TGM6: variants seen among roughly 807,000 people sequenced by gnomAD.
TGM6 encodes the protein protein-glutamine gamma-glutamyltransferase 6.
In TGM6, 74 loss-of-function variants were observed where a neutral mutation model predicts 77.5. That is an observed-to-expected ratio of 0.96 (90% CI 0.79 to 1.16). The LOEUF (loss-of-function observed/expected upper bound fraction) is 1.16, where lower values mean the gene tolerates loss of function less well. TGM6 is among the 50% of genes most tolerant of loss of function. TGM6 has a pLI of 0.00. For synonymous variants in TGM6, 383 were observed against 378.9 expected, an observed-to-expected ratio of 1.01 and a Z score of -0.12; for missense variants, 968 against 940.2, an observed-to-expected ratio of 1.03 and a Z score of -0.39.
intron 1 of TGM6, among the ~76,000 whole-genome samples, chr20:2,383,015 T>A (rs1054849524): frequency 6.6e-6 from 1 of 152,176 alleles, no homozygotes; most frequent in African/African-American, 2.4e-5. Context: ...GACATTGGGT[T>A]GGAGTTGATG....
intron 1 of TGM6, among the ~76,000 whole-genome samples, chr20:2,386,516 TGCAAGAAGAAAGAGCTTGGCTCA>T (rs766510681): frequency 3.9e-5 from 6 of 152,044 alleles, no homozygotes; most frequent in Non-Finnish European, 8.8e-5. Context: ...GGGGAGAAGC[TGCAAGAAGAAAGAGCTTGGCTCA>T]GCAGAAGGAA....
chr20:2,415,329 G>A (rs542266913), intron 9 of TGM6, among the ~76,000 whole-genome samples: 3 of 152,140 alleles, frequency 2.0e-5, no homozygotes, highest in Admixed American at 2.0e-4. Flanking sequence ...CATGCCACAG[G>A]TTTCAAATAG....
At chr20:2,412,335 C>G (rs772371191) in intron 9 of TGM6, among the ~76,000 whole-genome samples, 10 of 152,046 alleles carry the variant, frequency 6.6e-5, no homozygotes, top group Non-Finnish European at 1.2e-4. Flanking sequence ...GGGCTAAGAT[C>G]TGGGGAGAAT....
intron 10 of TGM6, among the ~76,000 whole-genome samples, chr20:2,426,338 G>T (rs558683767): frequency 3.3e-5 from 5 of 152,190 alleles, no homozygotes; most frequent in African/African-American, 1.2e-4. Flanking sequence ...ATTGACTTCT[G>T]TATATTAGTA....
At chr20:2,400,726 C>CTGGGGTGGGGTGGGG (rs1234244071) in intron 7 of TGM6, among the ~76,000 whole-genome samples, 1 of 123,630 alleles carries the variant, frequency 8.1e-6, no homozygotes, top group Non-Finnish European at 1.6e-5. Context: ...CTGTGGCTTC[C>CTGGGGTGGGGTGGGG]TGGGGTGGGG....
intron 5 of TGM6, 52 bp downstream of exon 5, chr20:2,398,098 C>T (rs1201720814): frequency 3.1e-6 from 5 of 1,613,910 alleles, no homozygotes; most frequent in Non-Finnish European, 4.2e-6. Context: ...ATCCCCCAGC[C>T]AACCCCGGGG....
At chr20:2,391,918 C>T (rs1422662007) in intron 1 of TGM6, among the ~76,000 whole-genome samples, 1 of 152,222 alleles carries the variant, frequency 6.6e-6, no homozygotes, top group Admixed American at 6.5e-5. Flanking sequence ...CACCATGCTT[C>T]CTCCTGTCTC....
At position 2,395,341 on chromosome 20, in the gene TGM6, G is replaced by A. The variant is rs1254612963; in HGVS notation, c.329G>A (p.Gly110Asp). The stretch of plus-strand genomic sequence containing the variant: ...GCCAGCCCTCCCAGTGCTGTCATTG[G>A]CCGCTACCTGCTGAGCATCAGGCTT... ...SLASPPSAVIGRYLLSIRLSS... is the reference protein window; with the variant it reads ...SLASPPSAVIDRYLLSIRLSS... The change falls in exon 3 of 13, where the codon GGC becomes GAC. Residue 110 changes from glycine to aspartate, a missense_variant. Coordinates refer to ENST00000202625, the MANE Select transcript of TGM6 (RefSeq NM_198994.3). 1.9e-6 allele frequency: 3 copies of A among 1,614,240 alleles called. No individual in the cohort carries two copies. The highest frequency in any genetic ancestry group is 2.2e-5 in the East Asian group (1 of 44,888).
At chr20:2,385,570 G>A (rs904471972) in intron 1 of TGM6, among the ~76,000 whole-genome samples, 3 of 152,148 alleles carry the variant, frequency 2.0e-5, no homozygotes, top group Non-Finnish European at 4.4e-5. Flanking sequence ...CCATGTCAGA[G>A]GCCTCACACA....
At chr20:2,382,757 TC>T (rs2084565039) in intron 1 of TGM6, among the ~76,000 whole-genome samples, 1 of 152,132 alleles carries the variant, frequency 6.6e-6, no homozygotes, top group Non-Finnish European at 1.5e-5. Context: ...GTATTCATCT[TC>T]CTGGAGCTCC....
At chr20:2,386,549 A>T (rs1301764133) in intron 1 of TGM6, among the ~76,000 whole-genome samples, 1 of 152,160 alleles carries the variant, frequency 6.6e-6, no homozygotes, top group African/African-American at 2.4e-5. Flanking sequence ...AGCAGAAGGA[A>T]GGGCTTTCTA....
intron 7 of TGM6, among the ~76,000 whole-genome samples, chr20:2,401,941 A>G (rs77164575): frequency 0.015 from 2,255 of 152,308 alleles, 21 homozygotes; most frequent in Middle Eastern, 0.068. Context: ...CAACTTTCTA[A>G]AGATTAGGAG....
intron 1 of TGM6, among the ~76,000 whole-genome samples, chr20:2,388,060 A>C (rs2084607710): frequency 6.6e-6 from 1 of 152,230 alleles, no homozygotes; most frequent in South Asian, 2.1e-4. Context: ...ATCTAGCCTT[A>C]GAAGTCACAA....
At chr20:2,395,459 C>A (rs2084658539) in intron 3 of TGM6, 23 bp downstream of exon 3, 2 of 1,614,158 alleles carry the variant, frequency 1.2e-6, no homozygotes, top group South Asian at 1.1e-5. Context: ...AAGTCCAATG[C>A]AGAGGTTTTT....
chr20:2,414,877 T>G (rs1014292891), intron 9 of TGM6, among the ~76,000 whole-genome samples: 1 of 120,120 alleles, frequency 8.3e-6, no homozygotes, highest in Non-Finnish European at 1.6e-5. Flanking sequence ...AGTGGTTGCC[T>G]AGGGCTGGGG....
At chr20:2,423,840 A>G (rs984290720) in intron 10 of TGM6, among the ~76,000 whole-genome samples, 1 of 152,214 alleles carries the variant, frequency 6.6e-6, no homozygotes, top group Admixed American at 6.5e-5. Context: ...TTACTCATTG[A>G]TTCATGGTCT....
At chr20:2,396,159 A>G (rs2084664550) in intron 3 of TGM6, among the ~76,000 whole-genome samples, 2 of 148,972 alleles carry the variant, frequency 1.3e-5, no homozygotes, top group Non-Finnish European at 3.0e-5. Flanking sequence ...CAGCCTGGGC[A>G]ACAAGAGCAA....
chr20:2,399,500 G>C (rs1403751210), intron 5 of TGM6, 61 bp from the exon 6 acceptor site: 2 of 1,610,776 alleles, frequency 1.2e-6, no homozygotes, highest in Non-Finnish European at 1.7e-6. Context: ...ATTTGACCAC[G>C]ATGCGGTTCT....
chr20:2,429,477 A>C (rs1361181484), intron 10 of TGM6, among the ~76,000 whole-genome samples: 2 of 152,020 alleles, frequency 1.3e-5, no homozygotes, highest in African/African-American at 4.8e-5. Flanking sequence ...AAAAAAAAAA[A>C]AAACAAATAT....
Sources: gnomAD v4.1 joint callset for allele counts (sites outside exome capture counted in the v4.1 genomes callset) on GRCh38, gnomAD v4.1.1 for gene constraint, MANE v1.5 for transcripts, NCBI Gene and HGNC (gene_info 2026-07-23, HGNC 2026-07-21) for gene names.